Variants in NMNAT3 observed in about 807,000 individuals in gnomAD.
NMNAT3 encodes the protein nicotinamide/nicotinic acid mononucleotide adenylyltransferase 3.
NMNAT3 carries 21 observed loss-of-function variants against 24.8 expected under a neutral mutation model. The observed-to-expected ratio is 0.85, with a 90% CI of 0.60 to 1.22. NMNAT3 has a LOEUF of 1.22. Among genes scored for constraint, NMNAT3 ranks in the 50% most tolerant of loss-of-function variants. NMNAT3 has a pLI of 0.00. For synonymous variants in NMNAT3, 136 were observed against 155.2 expected (o/e 0.88, Z 0.92); for missense variants, 387 against 436.6 (o/e 0.89, Z 1.01).
intron 3 of NMNAT3, among the ~76,000 whole-genome samples, chr3:139,611,005 C>T (rs916984631): frequency 6.9e-6 from 1 of 145,110 alleles, no homozygotes; most frequent in Non-Finnish European, 1.5e-5. Flanking sequence ...TACCTTTCCT[C>T]TCCTCAAGGT....
At chr3:139,673,134 G>A (rs574984262) in intron 1 of NMNAT3, among the ~76,000 whole-genome samples, 22 of 152,292 alleles carry the variant, frequency 1.4e-4, no homozygotes, top group African/African-American at 4.6e-4. Context: ...GAGTATCAGA[G>A]AAGGAGGAAA....
chr3:139,617,902 T>C (rs9873986), intron 3 of NMNAT3, among the ~76,000 whole-genome samples: 18,765 of 152,276 alleles, frequency 0.12, 1,184 homozygotes, highest in African/African-American at 0.16. Context: ...GCTTTAGGTA[T>C]GTCCAAAGCT....
At chr3:139,576,314 T>C (rs1272370258) in intron 5 of NMNAT3, 5 of 911,934 alleles carry the variant, frequency 5.5e-6, no homozygotes, top group East Asian at 1.2e-4. Flanking sequence ...ATTTTGGAGA[T>C]GAAACTTACT....
intron 3 of NMNAT3, chr3:139,609,955 T>C (rs919985046): frequency 6.6e-6 from 1 of 152,144 alleles, no homozygotes; most frequent in Non-Finnish European, 1.5e-5. Context: ...CATTAAGGAA[T>C]AAGACAGTAA....
At chr3:139,603,723 C>T (rs1362685018) in intron 3 of NMNAT3, among the ~76,000 whole-genome samples, 1 of 152,086 alleles carries the variant, frequency 6.6e-6, no homozygotes, top group Non-Finnish European at 1.5e-5. Flanking sequence ...ACAGCATTAC[C>T]ACCACACTCC....
chr3:139,589,786 T>G (rs1035050916), intron 3 of NMNAT3, among the ~76,000 whole-genome samples: 2 of 152,230 alleles, frequency 1.3e-5, no homozygotes, highest in African/African-American at 4.8e-5. Context: ...GGATCAGATT[T>G]GGCCCATGGG....
chr3:139,585,331 A>G lies in NMNAT3; in HGVS notation c.110-2123T>C, dbSNP rs2053893172. Among the ~76,000 whole-genome samples the G allele has an allele frequency of 2.6e-5, 4 of 152,288 alleles. No individual in the cohort carries two copies. In the South Asian group the frequency reaches 6.2e-4, roughly 24 times the overall value. On this transcript the variant is annotated intron_variant, in intron 3 of 6. Transcript: ENST00000643695. ...ACTTTTAATTTTGTTTATTTTGGTC[A>G]TAATTTCTAGAAATTCTGATGAGTT...
intron 3 of NMNAT3, chr3:139,609,727 A>G (rs1158086223): frequency 1.3e-5 from 2 of 151,836 alleles, no homozygotes; most frequent in African/African-American, 4.8e-5. Flanking sequence ...CACAAGTGCT[A>G]TCCCACTATT....
intron 2 of NMNAT3, among the ~76,000 whole-genome samples, chr3:139,630,924 G>T (rs955176984): frequency 2.6e-5 from 4 of 151,832 alleles, no homozygotes; most frequent in Non-Finnish European, 4.4e-5. Context: ...TCAAAATCCT[G>T]TTTCATTTTG....
intron 1 of NMNAT3, among the ~76,000 whole-genome samples, chr3:139,645,532 C>A (rs558076781): frequency 3.9e-4 from 60 of 152,098 alleles, no homozygotes; most frequent in Non-Finnish European, 8.5e-4. Context: ...TTCCAGCTAC[C>A]CTCAAGATTA....
At chr3:139,631,612 G>C (rs1055088198) in intron 2 of NMNAT3, among the ~76,000 whole-genome samples, 6 of 152,084 alleles carry the variant, frequency 3.9e-5, no homozygotes, top group African/African-American at 1.4e-4. Context: ...CATTAAACTG[G>C]AGACAAGGCA....
intron 3 of NMNAT3, among the ~76,000 whole-genome samples, chr3:139,616,965 G>A (rs985326626): frequency 1.3e-5 from 2 of 152,158 alleles, no homozygotes; most frequent in African/African-American, 2.4e-5. Flanking sequence ...CAGTGGCCAC[G>A]TTCTCTTCCA....
At chr3:139,562,409 G>T (rs1936543443) in intron 6 of NMNAT3, among the ~76,000 whole-genome samples, 1 of 152,172 alleles carries the variant, frequency 6.6e-6, no homozygotes, top group Admixed American at 6.5e-5. Flanking sequence ...GGAAATCCAA[G>T]TCTATGCTAG....
intron 3 of NMNAT3, among the ~76,000 whole-genome samples, chr3:139,594,231 C>T (rs549521366): frequency 1.4e-4 from 22 of 152,196 alleles, no homozygotes; most frequent in East Asian, 7.7e-4. Context: ...ATAAATTCCT[C>T]GACACATACA....
At chr3:139,621,262 G>A (rs535520321) in intron 3 of NMNAT3, among the ~76,000 whole-genome samples, 2 of 152,274 alleles carry the variant, frequency 1.3e-5, no homozygotes, top group East Asian at 3.9e-4. Context: ...ATCTTCATCT[G>A]CATTTCCCTA....
intron 6 of NMNAT3, chr3:139,566,946 C>T (rs1937328100): frequency 6.6e-6 from 1 of 152,094 alleles, no homozygotes; most frequent in African/African-American, 2.4e-5. Flanking sequence ...CTATAAATTA[C>T]CTTGGGCAGT....
chr3:139,593,281 T>C (rs978541680), intron 3 of NMNAT3, among the ~76,000 whole-genome samples: 1 of 152,230 alleles, frequency 6.6e-6, no homozygotes, highest in Admixed American at 6.5e-5. Context: ...TAAATATGTA[T>C]GCACCCAATA....
chr3:139,582,578 G>A (rs150330851), intron 4 of NMNAT3, among the ~76,000 whole-genome samples: 8 of 129,778 alleles, frequency 6.2e-5, no homozygotes, highest in African/African-American at 2.2e-4. Flanking sequence ...GGAGGAGGAG[G>A]TTGCAGTGAG....
chr3:139,641,223 T>C lies in NMNAT3; in HGVS notation c.-140-3161A>G, dbSNP rs541764535. 3.8e-4 allele frequency among the ~76,000 whole-genome samples: 58 copies of C among 152,278 alleles called. 1 individual carries two copies. In the South Asian group the frequency reaches 0.011, roughly 30 times the overall value. On this transcript the variant is annotated intron_variant, in intron 1 of 6. Coordinates refer to ENST00000643695, the MANE Select transcript of NMNAT3 (RefSeq NM_001320510.2). ...ATACACAAACCTCCAGCTAACCCCA[T>C]ACCAGGCTCCCTCCCACAAAATGAG...
Sources: allele counts gnomAD v4.1 joint callset (sites outside exome capture counted in the v4.1 genomes callset), GRCh38; gene constraint gnomAD v4.1.1; transcripts MANE v1.5; gene names NCBI Gene and HGNC (gene_info 2026-07-23, HGNC 2026-07-21).